Variants in DIAPH3 observed in about 807,000 individuals in gnomAD.
The protein encoded by DIAPH3 is protein diaphanous homolog 3.
Under a neutral mutation model 144.3 loss-of-function variants are expected in DIAPH3, and 117 were observed. The observed-to-expected ratio is 0.81, with a 90% CI of 0.70 to 0.95. DIAPH3 has a LOEUF of 0.95. Among genes scored for constraint, DIAPH3 ranks in the 40% least tolerant of loss-of-function variants. DIAPH3 has a pLI of 0.00. For synonymous variants in DIAPH3, 519 were observed against 488.9 expected (o/e 1.06, Z -0.81); for missense variants, 1,421 against 1,412.7 (o/e 1.01, Z -0.09).
At chr13:60,040,256 CT>C (rs750758687) in intron 5 of DIAPH3, among the ~76,000 whole-genome samples, 493 of 122,188 alleles carry the variant, frequency 4.0e-3, no homozygotes, top group Non-Finnish European at 6.3e-3. Context: ...AAAAAAGGAT[CT>C]TCTCAATTTT....
At chr13:59,920,390 G>A (rs949769933) in intron 18 of DIAPH3, among the ~76,000 whole-genome samples, 2 of 151,600 alleles carry the variant, frequency 1.3e-5, no homozygotes, top group African/African-American at 2.4e-5. Flanking sequence ...AAAAGAACAG[G>A]AGTAGCTATA....
chr13:60,001,057 G>C (rs901664140), intron 9 of DIAPH3, among the ~76,000 whole-genome samples: 1 of 152,158 alleles, frequency 6.6e-6, no homozygotes, highest in Non-Finnish European at 1.5e-5. Flanking sequence ...TAAAGACATT[G>C]ATGGTCTTTG....
intron 27 of DIAPH3, among the ~76,000 whole-genome samples, chr13:59,710,287 A>G (rs913635166): frequency 6.6e-6 from 1 of 151,816 alleles, no homozygotes; most frequent in Non-Finnish European, 1.5e-5. Flanking sequence ...TTGGAAAAAA[A>G]AAAAAGAAAA....
At chr13:59,795,023 T>A (rs914567419) in intron 25 of DIAPH3, among the ~76,000 whole-genome samples, 1 of 152,242 alleles carries the variant, frequency 6.6e-6, no homozygotes, top group Admixed American at 6.5e-5. Context: ...TCTTTCATAG[T>A]TCATTCTGTA....
chr13:59,892,438 AAAAG>A (rs1453595849), intron 20 of DIAPH3, among the ~76,000 whole-genome samples: 1 of 152,034 alleles, frequency 6.6e-6, no homozygotes, highest in Non-Finnish European at 1.5e-5. Context: ...CATTGGCACT[AAAAG>A]AAATGTTAAA....
chr13:59,742,052 G>A (rs2139053285), intron 27 of DIAPH3, among the ~76,000 whole-genome samples: 1 of 152,206 alleles, frequency 6.6e-6, no homozygotes, highest in Admixed American at 6.5e-5. Flanking sequence ...AGAGCAAAGA[G>A]ACTTCTTACA....
At chr13:59,887,254 C>T (rs73543269) in intron 20 of DIAPH3, among the ~76,000 whole-genome samples, 97 of 152,060 alleles carry the variant, frequency 6.4e-4, no homozygotes, top group African/African-American at 2.3e-3. Flanking sequence ...GGGATCAATT[C>T]CATGTGGTCA....
At chr13:59,975,383 G>A (rs1299353013) in intron 14 of DIAPH3, among the ~76,000 whole-genome samples, 5 of 151,990 alleles carry the variant, frequency 3.3e-5, no homozygotes, top group Non-Finnish European at 7.4e-5. Context: ...ATAACACTAA[G>A]AGGCAGTTGC....
chr13:59,924,798 T>TC lies in DIAPH3; in HGVS notation c.2146dup (p.Asp716GlyfsTer3). 1 of 1,602,272 alleles carries TC rather than the reference T, an allele frequency of 6.2e-7. No homozygotes were observed. Among genetic ancestry groups the TC allele is most frequent in the South Asian group, 1.1e-5 (1 of 90,804 alleles). On this transcript the variant is annotated frameshift_variant, in exon 18 of 28. Coordinates refer to ENST00000400324, the MANE Select transcript of DIAPH3 (RefSeq NM_001042517.2). LOFTEE classifies it high-confidence loss of function. ...ACAAAGGTTCTGGGCAATTTTAGAA[T>TC]CTAAAAACTTAAGTTCTTTAATTTT...
chr13:60,133,927 G>A (rs2059204123), intron 1 of DIAPH3, among the ~76,000 whole-genome samples: 1 of 152,124 alleles, frequency 6.6e-6, no homozygotes, highest in Non-Finnish European at 1.5e-5. Context: ...TTATCTAACA[G>A]ACTAAGTGGT....
intron 27 of DIAPH3, among the ~76,000 whole-genome samples, chr13:59,742,011 AGGCCTC>A (rs2036480166): frequency 6.6e-6 from 1 of 152,154 alleles, no homozygotes; most frequent in South Asian, 2.1e-4. Flanking sequence ...ACGGCTGGGG[AGGCCTC>A]CCAATCATGG....
intron 20 of DIAPH3, among the ~76,000 whole-genome samples, chr13:59,882,468 T>C (rs189078219): frequency 1.5e-4 from 23 of 152,294 alleles, no homozygotes; most frequent in Non-Finnish European, 2.6e-4. Flanking sequence ...GGAAAATATA[T>C]GTATATGTAA....
chr13:59,799,084 A>T (rs1390161182), intron 25 of DIAPH3, among the ~76,000 whole-genome samples: 1 of 152,188 alleles, frequency 6.6e-6, no homozygotes, highest in African/African-American at 2.4e-5. Flanking sequence ...TCCAAGAATC[A>T]TTAACATAAG....
At chr13:60,091,182 A>T (rs2057917880) in intron 4 of DIAPH3, among the ~76,000 whole-genome samples, 1 of 152,154 alleles carries the variant, frequency 6.6e-6, no homozygotes, top group Non-Finnish European at 1.5e-5. Context: ...ACAAAACATA[A>T]ACACTATCTA....
intron 27 of DIAPH3, among the ~76,000 whole-genome samples, chr13:59,694,285 C>T (rs1382131635): frequency 2.0e-5 from 3 of 152,066 alleles, no homozygotes; most frequent in Non-Finnish European, 4.4e-5. Context: ...GAATGAAAAT[C>T]TCGTCTCAGG....
At chr13:59,816,186 T>G (rs2040763533) in intron 24 of DIAPH3, among the ~76,000 whole-genome samples, 1 of 152,114 alleles carries the variant, frequency 6.6e-6, no homozygotes, top group Non-Finnish European at 1.5e-5. Flanking sequence ...TTTATCTTTT[T>G]GAACATTTAG....
chr13:60,154,328 A>G (rs1160896692), intron 1 of DIAPH3, among the ~76,000 whole-genome samples: 1 of 152,170 alleles, frequency 6.6e-6, no homozygotes, highest in African/African-American at 2.4e-5. Flanking sequence ...CATGTTACAC[A>G]TGAGAAAGGG....
chr13:60,162,287 T>C (rs185106151), intron 1 of DIAPH3, among the ~76,000 whole-genome samples: 2 of 152,302 alleles, frequency 1.3e-5, no homozygotes, highest in East Asian at 3.9e-4. Flanking sequence ...TTGCTGGGAA[T>C]GAGTCACAGA....
intron 27 of DIAPH3, among the ~76,000 whole-genome samples, chr13:59,732,594 A>G (rs1229953026): frequency 6.6e-6 from 1 of 151,720 alleles, no homozygotes; most frequent in South Asian, 2.1e-4. Context: ...GGCGCACTCC[A>G]ACCCGGCCTG....
Sources: gnomAD v4.1 joint callset for allele counts (sites outside exome capture counted in the v4.1 genomes callset) on GRCh38, gnomAD v4.1.1 for gene constraint, MANE v1.5 for transcripts, NCBI Gene and HGNC (gene_info 2026-07-23, HGNC 2026-07-21) for gene names.